ASCC1: variants seen among roughly 807,000 people sequenced by gnomAD.
ASCC1 encodes activating signal cointegrator 1 complex subunit 1, also known as ASC-1 complex subunit P50.
In ASCC1, 35 loss-of-function variants were observed where a neutral mutation model predicts 46.6. The observed-to-expected ratio is 0.75, with a 90% CI of 0.57 to 0.99. The LOEUF is 0.99. Ranked by LOEUF, ASCC1 falls within the 50% of genes least tolerant of loss-of-function variation. ASCC1 has a pLI of 0.00. For synonymous variants in ASCC1, 143 were observed against 146.6 expected (o/e 0.98, Z 0.18); for missense variants, 376 against 428.7 (o/e 0.88, Z 1.09).
intron 7 of ASCC1, among the ~76,000 whole-genome samples, chr10:72,144,245 G>T (rs1847381278): frequency 6.6e-6 from 1 of 152,092 alleles, no homozygotes; most frequent in Non-Finnish European, 1.5e-5. Context: ...AAAGCGCTGG[G>T]ATTACAGGCG....
At chr10:72,181,124 C>T (rs1292627255) in intron 5 of ASCC1, 1 of 152,232 alleles carries the variant, frequency 6.6e-6, no homozygotes, top group African/African-American at 2.4e-5. Context: ...CACCACCACG[C>T]CCAGCTAATT....
chr10:72,110,498 A>T (rs1221174421), intron 9 of ASCC1, among the ~76,000 whole-genome samples: 1 of 152,202 alleles, frequency 6.6e-6, no homozygotes, highest in Non-Finnish European at 1.5e-5. Context: ...GAAGTTAAAG[A>T]GCAAATCAGG....
chr10:72,171,590 C>G (rs1439761366), intron 5 of ASCC1, among the ~76,000 whole-genome samples: 1 of 152,130 alleles, frequency 6.6e-6, no homozygotes, highest in Non-Finnish European at 1.5e-5. Flanking sequence ...CCATGTCCAG[C>G]TAATTTTGTA....
chr10:72,165,551 T>C (rs781741411), intron 5 of ASCC1, among the ~76,000 whole-genome samples: 3 of 152,264 alleles, frequency 2.0e-5, no homozygotes, highest in Non-Finnish European at 4.4e-5. Context: ...CAAGTATGAA[T>C]AGCTTACATC....
chr10:72,130,947 T>C (rs1474423380), intron 8 of ASCC1, among the ~76,000 whole-genome samples: 2 of 152,162 alleles, frequency 1.3e-5, no homozygotes, highest in African/African-American at 4.8e-5. Context: ...CATAATAATG[T>C]TAAAATGTAC....
chr10:72,152,740 A>AAG, intron 7 of ASCC1, 129 bp downstream of exon 7: 2 of 1,147,426 alleles, frequency 1.7e-6, no homozygotes, highest in Non-Finnish European at 2.5e-6. Flanking sequence ...ATTAAAAAAA[A>AAG]AGAGAGAGAA....
chr10:72,138,455 T>C (rs1360130505), intron 7 of ASCC1, among the ~76,000 whole-genome samples: 2 of 152,176 alleles, frequency 1.3e-5, no homozygotes, highest in South Asian at 4.1e-4. Context: ...AAGGGACTAA[T>C]ATCCTTTAAA....
chr10:72,171,321 C>A (rs1782966465), intron 5 of ASCC1, among the ~76,000 whole-genome samples: 2 of 152,204 alleles, frequency 1.3e-5, no homozygotes, highest in African/African-American at 4.8e-5. Flanking sequence ...CTTCCTTGAG[C>A]TTTCTAGCTT....
chr10:72,156,076 G>C (rs1589383254), intron 6 of ASCC1, among the ~76,000 whole-genome samples: 1 of 152,324 alleles, frequency 6.6e-6, no homozygotes, highest in East Asian at 1.9e-4. Context: ...GTTGGAGGTG[G>C]GGCCTAGTGG....
At chr10:72,100,432 G>C (rs1044912798) in intron 9 of ASCC1, among the ~76,000 whole-genome samples, 1 of 152,030 alleles carries the variant, frequency 6.6e-6, no homozygotes, top group East Asian at 1.9e-4. Context: ...TCTCCATGTT[G>C]GCCAGGCTGG....
At chr10:72,153,056 A>G in intron 6 of ASCC1, 68 bp from the exon 7 acceptor site, 2 of 1,593,852 alleles carry the variant, frequency 1.3e-6, no homozygotes, top group Non-Finnish European at 1.7e-6. Context: ...ATTTTGAAAC[A>G]TGGTTAATAC....
chr10:72,194,491 T>C (rs1855056613), intron 5 of ASCC1, among the ~76,000 whole-genome samples: 1 of 152,022 alleles, frequency 6.6e-6, no homozygotes, highest in African/African-American at 2.4e-5. Flanking sequence ...TCTGGATGTC[T>C]ATACATGTTG....
chr10:72,130,741 TA>T (rs1845484701), intron 8 of ASCC1, among the ~76,000 whole-genome samples: 1 of 152,188 alleles, frequency 6.6e-6, no homozygotes, highest in African/African-American at 2.4e-5. Flanking sequence ...TAATTAAAAT[TA>T]AAAATAAAAG....
rs572855696 is a variant in ASCC1, at chr10:72,105,212, G to A, written c.958-7762C>T. ...GCAGAGGGCAGCCACCCCACATGACGAGGCAAGGGTACCACTGAGCTGATC... is the reference window on the plus strand; with the variant it reads ...GCAGAGGGCAGCCACCCCACATGACAAGGCAAGGGTACCACTGAGCTGATC... On this transcript the variant is annotated intron_variant, in intron 9 of 9. Coordinates refer to ENST00000672957, the MANE Select transcript of ASCC1 (RefSeq NM_001198800.3). Among the ~76,000 whole-genome samples, 11 of 152,326 alleles carry A rather than the reference G, an allele frequency of 7.2e-5. No individual in the cohort carries two copies. In the South Asian group the frequency reaches 2.3e-3, roughly 32 times the overall value.
intron 7 of ASCC1, among the ~76,000 whole-genome samples, chr10:72,146,682 C>T (rs1009291363): frequency 5.3e-5 from 8 of 152,164 alleles, no homozygotes; most frequent in Non-Finnish European, 8.8e-5. Context: ...ACCAGTCACA[C>T]TTTACCAAAC....
chr10:72,196,180 A>G (rs1855392002), intron 5 of ASCC1, among the ~76,000 whole-genome samples: 1 of 152,126 alleles, frequency 6.6e-6, no homozygotes, highest in African/African-American at 2.4e-5. Flanking sequence ...ATGACCGCCC[A>G]AAGTCAGAAG....
At chr10:72,115,381 G>C (rs1213518599) in intron 9 of ASCC1, among the ~76,000 whole-genome samples, 1 of 152,160 alleles carries the variant, frequency 6.6e-6, no homozygotes, top group African/African-American at 2.4e-5. Context: ...TATTGATTTG[G>C]ACAGCTCTTA....
In ASCC1 at chr10:72,196,964, A is replaced by G. The variant is rs752377351; in HGVS notation, c.336T>C (p.Gly112=). Residue 112 remains glycine, a synonymous_variant, in exon 5 of 10, where the codon GGT becomes GGC. Transcript: ENST00000672957. ...CAATCCGTGTTCGGGCTGAAATTAC[A>G]CCATTTCGATGCTGGCCAGTGATTA... ...EIVITGQHRN[G]VISARTRIDV... is the part of the protein sequence containing the mutation. The G allele has an allele frequency of 1.2e-5, 19 of 1,613,676 alleles. No homozygotes were observed. The highest frequency in any genetic ancestry group is 1.5e-5 in the Non-Finnish European group (18 of 1,180,004).
intron 5 of ASCC1, among the ~76,000 whole-genome samples, chr10:72,195,137 G>GTGT: frequency 4.1e-5 from 4 of 98,452 alleles, no homozygotes; most frequent in South Asian, 3.4e-4. Flanking sequence ...GTTTTTTGCT[G>GTGT]TGTTTTTTTT....
Sources: gnomAD v4.1 joint callset for allele counts (sites outside exome capture counted in the v4.1 genomes callset) on GRCh38, gnomAD v4.1.1 for gene constraint, MANE v1.5 for transcripts, NCBI Gene and HGNC (gene_info 2026-07-23, HGNC 2026-07-21) for gene names.